ZEB2: variants seen among roughly 807,000 people sequenced by gnomAD.
ZEB2 encodes zinc finger E-box-binding homeobox 2.
Under a neutral mutation model 99.9 loss-of-function variants are expected in ZEB2, and 6 were observed. The observed-to-expected ratio is 0.06, with a 90% CI of 0.03 to 0.12. The LOEUF (loss-of-function observed/expected upper bound fraction) is 0.12. Ranked by LOEUF, ZEB2 falls within the 10% of genes least tolerant of loss-of-function variation. The pLI is 1.00. For missense variants in ZEB2, 969 were observed against 1,502.8 expected (o/e 0.64, Z 5.87); for synonymous variants, 517 against 542.5 (o/e 0.95, Z 0.65).
chr2:144,413,978 T>A (rs576224476), intron 4 of ZEB2, among the ~76,000 whole-genome samples: 1 of 152,224 alleles, frequency 6.6e-6, no homozygotes, highest in Non-Finnish European at 1.5e-5. Context: ...ATGCTAACGA[T>A]GCGATGCACA....
At chr2:144,428,078 G>T (rs538076348) in intron 3 of ZEB2, 1 of 152,274 alleles carries the variant, frequency 6.6e-6, no homozygotes, top group African/African-American at 2.4e-5. Flanking sequence ...GTTTGGGGCT[G>T]TACATTTGTT....
intron 2 of ZEB2, among the ~76,000 whole-genome samples, chr2:144,511,035 T>C (rs1420115965): frequency 6.6e-6 from 1 of 152,206 alleles, no homozygotes; most frequent in Non-Finnish European, 1.5e-5. Context: ...TGGCAGTTTT[T>C]TTCCCCTCTC....
At chr2:144,518,436 T>C (rs994260845) in intron 1 of ZEB2, 1 of 152,174 alleles carries the variant, frequency 6.6e-6, no homozygotes, top group African/African-American at 2.4e-5. Context: ...AGGATTAGTT[T>C]AAACAGGGGG....
At position 144,424,871 on chromosome 2, in the gene ZEB2, TG is replaced by T; in HGVS notation, c.332-5del. On this transcript the variant is annotated splice_polypyrimidine_tract_variant and splice_region_variant and intron_variant, in intron 3 of 9. Transcript: ENST00000627532. ...TCATAGTCTTCCTTCATTTCTTCTG[TG>T]GGGGAAAATTATCTTTAGCATTTGA... 6.2e-7 allele frequency: 1 copy of T among 1,613,808 alleles called. No homozygotes were observed. Among genetic ancestry groups the T allele is most frequent in the Non-Finnish European group, 8.5e-7 (1 of 1,179,826 alleles).
chr2:144,439,149 A>C (rs1442292769), intron 2 of ZEB2, among the ~76,000 whole-genome samples: 4 of 151,962 alleles, frequency 2.6e-5, no homozygotes, highest in Non-Finnish European at 5.9e-5. Context: ...AAAAAAAAAA[A>C]AAAAACTTAA....
At chr2:144,461,065 A>T (rs1704186392) in intron 2 of ZEB2, 1 of 151,032 alleles carries the variant, frequency 6.6e-6, no homozygotes, top group Admixed American at 6.7e-5. Context: ...CAAAAAATTC[A>T]AAGTAAGTGC....
chr2:144,517,345 C>G lies in ZEB2; in HGVS notation c.6G>C (p.Lys2Asn), dbSNP rs771810629. 2.5e-6 allele frequency: 4 copies of G among 1,613,658 alleles called. No homozygotes were observed. Among genetic ancestry groups the G allele is most frequent in the South Asian group, 2.2e-5 (2 of 91,082 alleles). The stretch of plus-strand genomic sequence containing the variant: ...GGGGGCCATCCGCCATGATCGGCTG[C>G]TTCATTGATAAGAGCGGATCAGATG... M[K>N]QPIMADGPRC... Residue 2 changes from lysine (K) to asparagine (N), a missense_variant, in exon 2 of 10, where the codon AAG becomes AAC. Transcript: ENST00000627532.
chr2:144,456,947 C>T (rs1437976013), intron 2 of ZEB2, among the ~76,000 whole-genome samples: 3 of 152,238 alleles, frequency 2.0e-5, no homozygotes, highest in South Asian at 2.1e-4. Flanking sequence ...TTTTCTCAAT[C>T]GTTCCAGCTC....
rs1478532638 is a variant in ZEB2, at chr2:144,424,969, G to GAGA, written c.332-105_332-103dup. On this transcript the variant is annotated intron_variant, in intron 3 of 9. Coordinates refer to ENST00000627532, the MANE Select transcript of ZEB2 (RefSeq NM_014795.4). Reference sequence around the variant, plus strand: ...AAGGAAGATTCTTTTAAAGGAAACAGAGAAAAGGCTTGTTGTAGACCTCTA... The same window carrying GAGA: ...AAGGAAGATTCTTTTAAAGGAAACAGAGAAGAAAAGGCTTGTTGTAGACCTCTA... The GAGA allele has an allele frequency of 5.5e-6, 7 of 1,268,644 alleles. No homozygotes were observed. In the African/African-American group the frequency reaches 8.8e-5, roughly 16 times the overall value. 78.6% of individuals were successfully genotyped at this position (1,268,644 alleles called of 1,614,324 possible).
chr2:144,404,282 A>T (rs1036750202), intron 5 of ZEB2, 152 bp from the exon 6 acceptor site: 1 of 811,884 alleles, frequency 1.2e-6, no homozygotes, highest in South Asian at 1.4e-5. Flanking sequence ...CTCGCACACC[A>T]GTCCCCTCGC....
In ZEB2 at chr2:144,399,866, C is replaced by T. The variant is rs1341111083; in HGVS notation, c.1321G>A (p.Val441Ile). Residue 441 changes from valine (V) to isoleucine (I), a missense_variant, in exon 8 of 10, where the codon GTA (valine) becomes ATA (isoleucine). Physicochemically the swap from Val to Ile is conservative, Grantham distance 29 (BLOSUM62 3). Transcript: ENST00000627532. This position sits in a 1 kb window ranked among gnomAD's most constrained non-coding sequence, Gnocchi z 5.6. ...SAQSPMQHLG[V>I]GMEAPLLGFP... ...CCAAGTAAAGGGGCTTCCATCCCTA[C>T]ACCTAAGTGCTGCATTGGACTCTGA... The T allele has an allele frequency of 2.5e-6, 4 of 1,614,220 alleles. No homozygotes were observed. Among genetic ancestry groups the T allele is most frequent in the South Asian group, 2.2e-5 (2 of 91,084 alleles).
chr2:144,436,164 G>A (rs967842579), intron 2 of ZEB2, among the ~76,000 whole-genome samples: 1 of 152,000 alleles, frequency 6.6e-6, no homozygotes, highest in Non-Finnish European at 1.5e-5. Context: ...TATTACTTGG[G>A]GATGCAAGAT....
At chr2:144,421,175 C>T (rs981400883) in intron 4 of ZEB2, among the ~76,000 whole-genome samples, 1 of 152,160 alleles carries the variant, frequency 6.6e-6, no homozygotes, top group Non-Finnish European at 1.5e-5. Flanking sequence ...TTCACTCGCT[C>T]ATTTCTTCAG....
chr2:144,424,521 T>G, intron 4 of ZEB2: 1 of 626,942 alleles, frequency 1.6e-6, no homozygotes, highest in Non-Finnish European at 2.9e-6. Context: ...CTACTAGAAA[T>G]TCACCCAACT....
chr2:144,483,163 C>CACACAT, intron 2 of ZEB2, among the ~76,000 whole-genome samples: 1 of 129,076 alleles, frequency 7.7e-6, no homozygotes, highest in Admixed American at 8.7e-5. Context: ...CACACACACA[C>CACACAT]ATACCCTAAG....
intron 2 of ZEB2, among the ~76,000 whole-genome samples, chr2:144,473,159 A>G (rs1704382086): frequency 6.6e-6 from 1 of 152,192 alleles, no homozygotes; most frequent in African/African-American, 2.4e-5. Context: ...AAACATTGGC[A>G]AAGAAAAAGT....
chr2:144,446,490 C>T (rs540529554), intron 2 of ZEB2, among the ~76,000 whole-genome samples: 124 of 152,110 alleles, frequency 8.2e-4, no homozygotes, highest in African/African-American at 2.9e-3. Context: ...AAAGATACAC[C>T]TTTCATCTTC....
intron 2 of ZEB2, among the ~76,000 whole-genome samples, chr2:144,489,607 G>A (rs1704647702): frequency 6.6e-6 from 1 of 152,210 alleles, no homozygotes; most frequent in African/African-American, 2.4e-5. Context: ...CAACTCTGCT[G>A]CAGCAGTGAG....
intron 2 of ZEB2, chr2:144,495,212 C>T (rs1704742202): frequency 6.6e-6 from 1 of 152,136 alleles, no homozygotes; most frequent in African/African-American, 2.4e-5. Context: ...GCAAATCATT[C>T]CCAAGACACC....
Sources: gnomAD v4.1 joint callset for allele counts (sites outside exome capture counted in the v4.1 genomes callset) on GRCh38, gnomAD v4.1.1 for gene constraint, Gnocchi (gnomAD v3.1) non-coding constraint, MANE v1.5 for transcripts, NCBI Gene and HGNC (gene_info 2026-07-23, HGNC 2026-07-21) for gene names.